AGMO: variants seen among roughly 807,000 people sequenced by gnomAD.
AGMO encodes glyceryl-ether monooxygenase.
Under a neutral mutation model 60.2 loss-of-function variants are expected in AGMO, and 75 were observed. The ratio of observed to expected loss-of-function variants is 1.25; its 90% confidence interval spans 1.03 to 1.51. The LOEUF (loss-of-function observed/expected upper bound fraction) is 1.51, where lower values mean the gene tolerates loss of function less well. AGMO is among the 40% of genes most tolerant of loss of function. The probability of loss-of-function intolerance (pLI) is 0.00; values close to 1 mark genes in which losing one functional copy is unlikely to be tolerated. For synonymous variants in AGMO, 261 were observed against 177.1 expected, an observed-to-expected ratio of 1.47 and a Z score of -3.76; for missense variants, 763 against 525.5, an observed-to-expected ratio of 1.45 and a Z score of -4.42.
intron 3 of AGMO, among the ~76,000 whole-genome samples, chr7:15,507,813 T>C (rs1164463683): frequency 6.6e-6 from 1 of 152,040 alleles, no homozygotes; most frequent in African/African-American, 2.4e-5. Context: ...TAGATAGATA[T>C]TACAGTAAAC....
At chr7:15,331,156 G>C (rs2128544390) in intron 12 of AGMO, among the ~76,000 whole-genome samples, 1 of 152,208 alleles carries the variant, frequency 6.6e-6, no homozygotes, top group South Asian at 2.1e-4. Flanking sequence ...CTTGTAATTG[G>C]ATCCTTCTGT....
chr7:15,152,097 G>C, the AGMO span, among the ~76,000 whole-genome samples: 2 of 152,136 alleles, frequency 1.3e-5, no homozygotes, highest in African/African-American at 4.8e-5. Context: ...AGTTAAGATA[G>C]TTAAATCTTC....
intron 3 of AGMO, among the ~76,000 whole-genome samples, chr7:15,450,442 A>C (rs1781829120): frequency 6.6e-6 from 1 of 152,010 alleles, no homozygotes; most frequent in African/African-American, 2.4e-5. Context: ...AAGAAAAAAA[A>C]TTTGTATTTC....
At chr7:15,392,665 G>C (rs530536349) in intron 6 of AGMO, among the ~76,000 whole-genome samples, 88 of 152,118 alleles carry the variant, frequency 5.8e-4, no homozygotes, top group Non-Finnish European at 1.1e-3. Context: ...CACACGTGGT[G>C]GCTGGCACCT....
chr7:15,211,767 T>C lies in AGMO; in HGVS notation c.1264-10408A>G, dbSNP rs552061506. Among the ~76,000 whole-genome samples the C allele has an allele frequency of 7.9e-5, 12 of 152,194 alleles. 1 individual carries two copies. The South Asian group carries it at 2.5e-3, about 32-fold the overall frequency. On this transcript the variant is annotated intron_variant, in intron 12 of 12. Transcript: ENST00000342526. The stretch of plus-strand genomic sequence containing the variant: ...ACTATGTCCAAAATAATTATTTTTA[T>C]ACAGATCTTTTTCAGGGGGATCTTG...
chr7:15,445,445 G>A (rs1328825912), intron 3 of AGMO, among the ~76,000 whole-genome samples: 1 of 152,100 alleles, frequency 6.6e-6, no homozygotes, highest in Non-Finnish European at 1.5e-5. Flanking sequence ...CCTGGGGTTA[G>A]AATATCAAAC....
At chr7:15,117,550 GA>G in the AGMO span, among the ~76,000 whole-genome samples, 1 of 151,810 alleles carries the variant, frequency 6.6e-6, no homozygotes, top group Non-Finnish European at 1.5e-5. Flanking sequence ...AGTGAGGGTT[GA>G]AAAAAATTAC....
chr7:15,181,365 TA>T, the AGMO span, among the ~76,000 whole-genome samples: 1 of 152,290 alleles, frequency 6.6e-6, no homozygotes, highest in African/African-American at 2.4e-5. Flanking sequence ...TGAGACTCTT[TA>T]GGGACAAAAC....
intron 12 of AGMO, among the ~76,000 whole-genome samples, chr7:15,283,340 C>T (rs1166329705): frequency 6.6e-6 from 1 of 151,796 alleles, no homozygotes; most frequent in Non-Finnish European, 1.5e-5. Flanking sequence ...TCAAGAGATT[C>T]ATCTAACATA....
intron 12 of AGMO, among the ~76,000 whole-genome samples, chr7:15,356,286 A>G (rs948799450): frequency 2.6e-5 from 4 of 152,326 alleles, no homozygotes; most frequent in East Asian, 3.9e-4. Flanking sequence ...ATAGAAAAAA[A>G]TAGAAACAAA....
At chr7:15,329,799 G>A (rs953789066) in intron 12 of AGMO, among the ~76,000 whole-genome samples, 11 of 152,106 alleles carry the variant, frequency 7.2e-5, no homozygotes, top group African/African-American at 2.7e-4. Context: ...CTCTCTCTGG[G>A]AATTCAGATG....
chr7:15,144,644 T>C, the AGMO span, among the ~76,000 whole-genome samples: 3 of 152,210 alleles, frequency 2.0e-5, no homozygotes, highest in African/African-American at 7.2e-5. Flanking sequence ...GTTGCACTTC[T>C]TCAGTTGTAA....
In AGMO at chr7:15,228,096, TTTTTC is replaced by T. The variant is rs374976178; in HGVS notation, c.1264-26742_1264-26738del. ...TCTGCTTATTTTAATTTCTTTAAAG[TTTTTC>T]TTTTAACACTCCTATTGTTTGGAAT... On this transcript the variant is annotated intron_variant, in intron 12 of 12. Transcript: ENST00000342526. Among the ~76,000 whole-genome samples the T allele has an allele frequency of 1.0e-3, 157 of 152,232 alleles. No homozygotes were observed. In the East Asian group the frequency reaches 0.022, roughly 21 times the overall value.
chr7:15,445,126 T>C (rs1562510843), intron 3 of AGMO, among the ~76,000 whole-genome samples: 1 of 152,180 alleles, frequency 6.6e-6, no homozygotes. Context: ...TAAAACACTG[T>C]AGCGAACATG....
At chr7:15,146,037 T>A in the AGMO span, among the ~76,000 whole-genome samples, 1 of 152,272 alleles carries the variant, frequency 6.6e-6, no homozygotes, top group East Asian at 1.9e-4. Flanking sequence ...AGTTGATTTA[T>A]TCAGTGCATT....
chr7:15,281,435 TAC>T (rs1783961829), intron 12 of AGMO, among the ~76,000 whole-genome samples: 1 of 151,984 alleles, frequency 6.6e-6, no homozygotes, highest in Non-Finnish European at 1.5e-5. Flanking sequence ...GCACAAGGAG[TAC>T]AGTCACAATT....
intron 3 of AGMO, among the ~76,000 whole-genome samples, chr7:15,444,963 G>A (rs117296714): frequency 0.015 from 2,261 of 152,256 alleles, 20 homozygotes; most frequent in Middle Eastern, 0.027. Flanking sequence ...ATCTAGGGAG[G>A]ACTTCAAAGA....
At chr7:15,192,836 C>T in the AGMO span, among the ~76,000 whole-genome samples, 2 of 152,246 alleles carry the variant, frequency 1.3e-5, no homozygotes, top group African/African-American at 2.4e-5. Flanking sequence ...ACACCCCTGT[C>T]GTAAGTCCCA....
At chr7:15,119,931 CT>C in the AGMO span, among the ~76,000 whole-genome samples, 21,093 of 142,776 alleles carry the variant, frequency 0.15, 2,131 homozygotes, top group African/African-American at 0.3. Context: ...ATCATGCATG[CT>C]TTTTTTTTTT....
Sources: gnomAD v4.1 joint callset for allele counts (sites outside exome capture counted in the v4.1 genomes callset) on GRCh38, gnomAD v4.1.1 for gene constraint, MANE v1.5 for transcripts, NCBI Gene and HGNC (gene_info 2026-07-23, HGNC 2026-07-21) for gene names.